Variants in ZP2 observed in about 807,000 individuals in gnomAD.
ZP2 encodes zona pellucida glycoprotein 2, also known as zona pellucida sperm-binding protein 2.
A neutral mutation model predicts 84.0 loss-of-function variants in ZP2; 51 were observed. That is an observed-to-expected ratio of 0.61 (90% CI 0.49 to 0.77). ZP2 has a LOEUF of 0.77. ZP2 is among the 30% of genes least tolerant of loss of function. The pLI is 0.00. For missense variants in ZP2, 909 were observed against 911.9 expected (o/e 1.00, Z 0.04); for synonymous variants, 375 against 330.9 (o/e 1.13, Z -1.45).
rs1241761633 is a variant in ZP2 at position 21,209,646 on chromosome 16, G to A, written c.315C>T (p.Asn105=). The A allele has an allele frequency of 3.1e-6, 5 of 1,614,160 alleles. No individual in the cohort carries two copies. The highest frequency in any genetic ancestry group is 2.2e-5 in the East Asian group (1 of 44,888). The change falls in exon 4 of 19, where the codon AAC becomes AAT. Residue 105 remains asparagine, a synonymous_variant. Transcript: ENST00000574091. ...AATGACTTACCACTCTCCTGGTACA[G>A]TTATCATAGGTAGCCCTCAGGGTGA... ...EKLTLRATYD[N]CTRRVHGGHQ...
chr16:21,213,106 G>A (rs1305619403), upstream of ZP2, among the ~76,000 whole-genome samples: 6 of 152,090 alleles, frequency 3.9e-5, no homozygotes, highest in South Asian at 2.1e-4. Flanking sequence ...GTGCAGTGGC[G>A]CAATCTTGGC....
At position 21,202,005 on chromosome 16, in the gene ZP2, C is replaced by T. The variant is rs146378217; in HGVS notation, c.1306G>A (p.Val436Ile). The change falls in exon 12 of 19, where the codon GTC becomes ATC. Residue 436 changes from valine (V) to isoleucine (I), a missense_variant. Transcript: ENST00000574091. ...TRYKFEDDKV[V>I]YENEIHALWT... ...AGAGCATGTATTTCGTTTTCATAGA[C>T]GACTTTATCATCTTCGAACTTAAAT... 5.5e-4 allele frequency: 888 copies of T among 1,613,942 alleles called. 1 individual carries two copies. Among genetic ancestry groups the T allele is most frequent in the Non-Finnish European group, 6.9e-4 (817 of 1,179,986 alleles).
Position 21,197,773 on chromosome 16 carries a change from G to C in ZP2, c.2088C>G (p.Gly696=), listed in dbSNP as rs749703990. The C allele has an allele frequency of 6.2e-7, 1 of 1,614,130 alleles. No homozygotes were observed. Among genetic ancestry groups the C allele is most frequent in the African/African-American group, 1.3e-5 (1 of 75,056 alleles). Residue 696 remains glycine (G), a synonymous_variant, in exon 18 of 19, where the codon GGC becomes GGG. Coordinates refer to ENST00000574091, the MANE Select transcript of ZP2 (RefSeq NM_001376232.1). ...AACATTGAATAAACTTACCTCGTGA[G>C]CCAACCTCCTCCCCTGTTTCACTCC... ...KSRSETGEEV[G]SRGAMDTKGH... is the part of the protein sequence containing the mutation.
At position 21,197,781 on chromosome 16, in the gene ZP2, C is replaced by T; in HGVS notation, c.2080G>A (p.Glu694Lys). ...ATAAACTTACCTCGTGAGCCAACCT[C>T]CTCCCCTGTTTCACTCCTACTCTTC... The part of the protein sequence containing the change: ...GEKSRSETGE[E>K]VGSRGAMDTK... The change falls in exon 18 of 19, where the codon GAG (glutamate) becomes AAG (lysine). Residue 694 changes from glutamate to lysine, a missense_variant. By Grantham distance (56) the Glu-to-Lys change is moderately conservative (BLOSUM62 1). Transcript: ENST00000574091. 1 of 1,614,224 alleles carries T rather than the reference C, an allele frequency of 6.2e-7. No homozygotes were observed. The highest frequency in any genetic ancestry group is 1.1e-5 in the South Asian group (1 of 91,088).
In ZP2 at chr16:21,199,815, A is replaced by T. The variant is rs1597582854; in HGVS notation, c.1758T>A (p.His586Gln). The T allele has an allele frequency of 1.2e-6, 2 of 1,613,868 alleles. No individual in the cohort carries two copies. The highest frequency in any genetic ancestry group is 1.7e-6 in the Non-Finnish European group (2 of 1,180,028). ...TGTCAAACCTCTGATAGTGATCAGG[A>T]TGGGTCACAGAGGAGCCGACTGGAT... ...TFHPVGSSVT[H>Q]PDHYQRFDMK... Residue 586 changes from histidine (H) to glutamine (Q), a missense_variant, in exon 15 of 19, where the codon CAT becomes CAA. Transcript: ENST00000574091.
intron 9 of ZP2, 59 bp downstream of exon 9, chr16:21,203,971 A>C: frequency 6.3e-7 from 1 of 1,591,354 alleles, no homozygotes; most frequent in East Asian, 2.2e-5. Context: ...AGGACTACCC[A>C]CAAGAGTATA....
At chr16:21,208,427 AGAGTAGG>A (rs2093260061) in intron 4 of ZP2, among the ~76,000 whole-genome samples, 2 of 152,210 alleles carry the variant, frequency 1.3e-5, no homozygotes. Context: ...GCCTGTTTAC[AGAGTAGG>A]GTCTAAGACT....
At chr16:21,210,313 A>C in intron 2 of ZP2, 121 bp from the exon 3 acceptor site, 1 of 728,826 alleles carries the variant, frequency 1.4e-6, no homozygotes, top group Non-Finnish European at 2.4e-6. Flanking sequence ...ATCGTCCCCT[A>C]CCCTGGGAGA....
At chr16:21,211,783 C>A, upstream of ZP2, 2 of 1,441,814 alleles carry the variant, frequency 1.4e-6, no homozygotes, top group Non-Finnish European at 1.8e-6. Flanking sequence ...TTGCTGAAAT[C>A]AGCTCCAGGT....
Position 21,209,678 on chromosome 16 carries a change from C to T in ZP2, c.283G>A (p.Glu95Lys). The T allele has an allele frequency of 6.2e-7, 1 of 1,614,178 alleles. No homozygotes were observed. ...MPNCTYILDP[E>K]KLTLRATYDN... is the part of the protein sequence containing the mutation. ...TAGGTAGCCCTCAGGGTGAGCTTTT[C>T]TGGGTCCAGGATGTAAGTGCAGTTC... Residue 95 changes from glutamate (E) to lysine (K), a missense_variant, in exon 4 of 19, where the codon GAA becomes AAA. By Grantham distance (56) the Glu-to-Lys change is moderately conservative. Transcript: ENST00000574091.
chr16:21,211,835 G>T (rs933676126), upstream of ZP2: 22 of 1,332,976 alleles, frequency 1.7e-5, no homozygotes, highest in East Asian at 6.0e-4. Flanking sequence ...GGGAAATTAG[G>T]ATCTTTTGGG....
upstream of ZP2, chr16:21,214,258 C>T: frequency 1.0e-6 from 1 of 985,258 alleles, no homozygotes; most frequent in Non-Finnish European, 1.2e-6. Flanking sequence ...CTGGGGACAG[C>T]CACCGAACAA....
intron 7 of ZP2, 84 bp from the exon 8 acceptor site, chr16:21,204,488 T>G: frequency 1.8e-6 from 2 of 1,094,298 alleles, no homozygotes; most frequent in Non-Finnish European, 2.7e-6. Context: ...CAAGTATATA[T>G]CCAAGTAATG....
upstream of ZP2, among the ~76,000 whole-genome samples, chr16:21,212,567 G>A (rs1310574635): frequency 6.6e-6 from 1 of 152,158 alleles, no homozygotes; most frequent in Non-Finnish European, 1.5e-5. Flanking sequence ...TACCATTTTA[G>A]GGTGGCATAA....
In ZP2 at chr16:21,197,519, G is replaced by C. The variant is rs1024915987; in HGVS notation, c.2199C>G (p.Ile733Met). The C allele has an allele frequency of 6.2e-7, 1 of 1,614,202 alleles. No homozygotes were observed. Among genetic ancestry groups the C allele is most frequent in the Admixed American group, 1.7e-5 (1 of 60,022 alleles). ...FAGVVATLGF[I>M]YYLYEKRTVS... ...CAGTCCTTTTCTCGTACAGGTAGTA[G>C]ATGAAGCCTAGAGTTGCCACCACAC... The change falls in exon 19 of 19, where the codon ATC becomes ATG. Residue 733 changes from isoleucine to methionine, a missense_variant. By Grantham distance (10) the Ile-to-Met change is conservative. Coordinates refer to ENST00000574091, the MANE Select transcript of ZP2 (RefSeq NM_001376232.1).
chr16:21,212,813 G>A (rs188013428), upstream of ZP2, among the ~76,000 whole-genome samples: 1 of 152,294 alleles, frequency 6.6e-6, no homozygotes, highest in Admixed American at 6.5e-5. Flanking sequence ...GGAAACTGAG[G>A]CAAGGCAACT....
At chr16:21,208,220 A>C (rs988051710) in intron 4 of ZP2, among the ~76,000 whole-genome samples, 1 of 152,238 alleles carries the variant, frequency 6.6e-6, no homozygotes, top group African/African-American at 2.4e-5. Context: ...TGCCTCAGAA[A>C]GAGACCATGG....
At chr16:21,210,867 G>A (rs1378969355) in intron 2 of ZP2, among the ~76,000 whole-genome samples, 1 of 149,436 alleles carries the variant, frequency 6.7e-6, no homozygotes, top group African/African-American at 2.5e-5. Context: ...GAGCCCCGGC[G>A]CCTGGCTGCA....
chr16:21,206,036 C>T (rs28419052), intron 5 of ZP2: 84,963 of 496,610 alleles, frequency 0.17, 9,670 homozygotes, highest in East Asian at 0.39. Flanking sequence ...TTTCGCTCAT[C>T]GCCCAGGCTG....
Sources: gnomAD v4.1 joint callset for allele counts (sites outside exome capture counted in the v4.1 genomes callset) on GRCh38, gnomAD v4.1.1 for gene constraint, MANE v1.5 for transcripts, NCBI Gene and HGNC (gene_info 2026-07-23, HGNC 2026-07-21) for gene names.